TRIM50: variants seen among roughly 807,000 people sequenced by gnomAD.
TRIM50 encodes the protein tripartite motif containing 50, also known as E3 ubiquitin-protein ligase TRIM50.
Under a neutral mutation model 44.9 loss-of-function variants are expected in TRIM50, and 34 were observed. That is an observed-to-expected ratio of 0.76 (90% CI 0.58 to 1.01). The LOEUF (loss-of-function observed/expected upper bound fraction) is 1.01. TRIM50 is among the 50% of genes least tolerant of loss of function. The pLI is 0.00. For missense variants in TRIM50, 633 were observed against 663.7 expected (o/e 0.95, Z 0.51); for synonymous variants, 307 against 291.1 (o/e 1.05, Z -0.56).
chr7:73,318,978 C>T lies in TRIM50; in HGVS notation c.570G>A (p.Lys190=). The change falls in exon 4 of 7, where the codon AAG becomes AAA. Residue 190 remains lysine (K), a synonymous_variant. Coordinates refer to ENST00000333149, the MANE Select transcript of TRIM50 (RefSeq NM_178125.3). ...QELHHLVDEE[K]ARCLEGIGGH... Reference sequence around the variant, plus strand: ...CCCCTATCCCCTCCAGGCAGCGGGCCTTCTCCTCATCCACCAGGTGGTGCA... The same window carrying T: ...CCCCTATCCCCTCCAGGCAGCGGGCTTTCTCCTCATCCACCAGGTGGTGCA... The T allele has an allele frequency of 1.2e-6, 2 of 1,614,038 alleles. No homozygotes were observed. The highest frequency in any genetic ancestry group is 1.7e-6 in the Non-Finnish European group (2 of 1,179,866).
rs528284379 is a variant in TRIM50 at position 73,324,891 on chromosome 7, C to T, written c.-18-86G>A. ...CCACCACCCTCAACCCTAAGGAGCA[C>T]CAGAATTTTAGAGGAAACACTTTGA... On this transcript the variant is annotated intron_variant, in intron 1 of 6. Transcript: ENST00000333149. 1.0e-5 allele frequency: 16 copies of T among 1,562,178 alleles called. No individual in the cohort carries two copies. In the African/African-American group the frequency reaches 1.9e-4, roughly 19 times the overall value.
Position 73,313,199 on chromosome 7 carries a change from C to T in TRIM50, c.1186G>A (p.Glu396Lys), listed in dbSNP as rs370311701. The T allele has an allele frequency of 1.3e-5, 20 of 1,590,306 alleles. No homozygotes were observed. The South Asian group carries it at 1.5e-4, about 12-fold the overall frequency. ...GGTACCCGGGGGCAGGCAAAGGCTTCGTACACCCGGCCCTCCTTCAGGCCG... is the reference window on the plus strand; with the variant it reads ...GGTACCCGGGGGCAGGCAAAGGCTTTGTACACCCGGCCCTCCTTCAGGCCG... ...LIGLKEGRVY[E>K]AFACPRVPLP... The change falls in exon 7 of 7, where the codon GAA becomes AAA. Residue 396 changes from glutamate (E) to lysine (K), a missense_variant. By Grantham distance (56) the Glu-to-Lys change is moderately conservative. Transcript: ENST00000333149. The surrounding 1 kb of genome is among the most constrained non-coding windows in gnomAD (Gnocchi z 4.9).
In TRIM50 at chr7:73,323,002, G is replaced by A. The variant is rs536020833; in HGVS notation, c.399+1387C>T. Among the ~76,000 whole-genome samples the A allele has an allele frequency of 3.9e-5, 6 of 152,272 alleles. No homozygotes were observed. The South Asian group carries it at 8.3e-4, about 21-fold the overall frequency. On this transcript the variant is annotated intron_variant, in intron 2 of 6. Transcript: ENST00000333149. The stretch of plus-strand genomic sequence containing the variant: ...TCACAGAGCTGGAGTCAACCTTCCC[G>A]TCCCTCACCCTCCTTGCCACACACA...
chr7:73,321,769 C>T (rs1804502512), intron 2 of TRIM50: 1 of 152,218 alleles, frequency 6.6e-6, no homozygotes, highest in African/African-American at 2.4e-5. Flanking sequence ...AAGAATCAAG[C>T]ACTTGCTGGC....
intron 6 of TRIM50, chr7:73,314,711 G>A (rs1397137771): frequency 4.6e-5 from 10 of 218,062 alleles, no homozygotes; most frequent in South Asian, 3.0e-4. Flanking sequence ...TTAGCCGGGC[G>A]TGGTGGCACA....
intron 3 of TRIM50, among the ~76,000 whole-genome samples, chr7:73,319,635 A>C (rs1156350353): frequency 1.3e-5 from 2 of 152,108 alleles, no homozygotes; most frequent in African/African-American, 4.8e-5. Context: ...GAGGAGGGTA[A>C]ATGAGGGAGG....
chr7:73,315,278 A>C (rs1804329327), intron 6 of TRIM50: 1 of 153,690 alleles, frequency 6.5e-6, no homozygotes, highest in African/African-American at 2.4e-5. Context: ...AAAAAAAAAA[A>C]AGAAATGTGA....
At chr7:73,324,196 C>T (rs190591852) in intron 2 of TRIM50, among the ~76,000 whole-genome samples, 193 bp downstream of exon 2, 65 of 152,288 alleles carry the variant, frequency 4.3e-4, no homozygotes, top group Admixed American at 4.1e-3. Flanking sequence ...AGCTCCCATC[C>T]TGTTCGTGTG....
intron 2 of TRIM50, 39 bp downstream of exon 2, chr7:73,324,350 G>A (rs782576676): frequency 6.8e-6 from 11 of 1,613,606 alleles, no homozygotes; most frequent in African/African-American, 5.3e-5. Flanking sequence ...TCTGGTCCCC[G>A]CGGGCCTCTC....
intron 4 of TRIM50, 36 bp from the exon 5 acceptor site, chr7:73,318,745 G>A (rs1305950884): frequency 9.9e-6 from 16 of 1,613,898 alleles, no homozygotes; most frequent in African/African-American, 1.3e-5. Context: ...AAGGCTAGAA[G>A]GTGGGAAGCT....
At chr7:73,323,670 G>A (rs1583784405) in intron 2 of TRIM50, among the ~76,000 whole-genome samples, 1 of 152,184 alleles carries the variant, frequency 6.6e-6, no homozygotes, top group Non-Finnish European at 1.5e-5. Context: ...ATGGCTCCAG[G>A]CACTGAAATA....
intron 1 of TRIM50, 121 bp from the exon 2 acceptor site, chr7:73,324,926 C>G: frequency 6.7e-7 from 1 of 1,495,594 alleles, no homozygotes; most frequent in Non-Finnish European, 9.0e-7. Context: ...AGTCCTGGAT[C>G]CCAGTCCTAA....
rs1370615350 is a variant in TRIM50, at chr7:73,312,872, C to T, written c.*49G>A. 98 of 1,426,888 alleles carry T rather than the reference C, an allele frequency of 6.9e-5. No individual in the cohort carries two copies. Among genetic ancestry groups the T allele is most frequent in the Non-Finnish European group, 8.7e-5 (94 of 1,079,484 alleles). 88.4% of individuals were successfully genotyped at this position (1,426,888 alleles called of 1,614,324 possible). On this transcript the variant is annotated 3_prime_UTR_variant, in exon 7 of 7. Coordinates refer to ENST00000333149, the MANE Select transcript of TRIM50 (RefSeq NM_178125.3). Reference sequence around the variant, plus strand: ...GACCCAGCAGAAGCCCGCGAGTCCCCGGTGCCCCGCCGGGATGGGCCTGTG... The same window carrying T: ...GACCCAGCAGAAGCCCGCGAGTCCCTGGTGCCCCGCCGGGATGGGCCTGTG...
Position 73,312,603 on chromosome 7 carries a change from GA to G in TRIM50, c.*317del. The G allele has an allele frequency of 3.0e-6, 1 of 337,370 alleles. No homozygotes were observed. 20.9% of individuals were successfully genotyped at this position (337,370 alleles called of 1,614,324 possible). ...GTAGTTGAAAGTTCACAGTAATATG[GA>G]AAAGGTATACATGGGACTATTTCTG... On this transcript the variant is annotated 3_prime_UTR_variant, in exon 7 of 7. Coordinates refer to ENST00000333149, the MANE Select transcript of TRIM50 (RefSeq NM_178125.3).
At chr7:73,324,251 A>G in intron 2 of TRIM50, 138 bp downstream of exon 2, 5 of 1,484,512 alleles carry the variant, frequency 3.4e-6, no homozygotes, top group Non-Finnish European at 4.5e-6. Context: ...TCAAACGCTA[A>G]GGAATGAATG....
intron 2 of TRIM50, among the ~76,000 whole-genome samples, chr7:73,323,054 ATT>A (rs1269955334): frequency 6.6e-6 from 1 of 152,112 alleles, no homozygotes; most frequent in Non-Finnish European, 1.5e-5. Context: ...TCTGTTTGAA[ATT>A]TGTCTTTGGT....
At chr7:73,314,548 G>T in intron 6 of TRIM50, 1 of 330,496 alleles carries the variant, frequency 3.0e-6, no homozygotes, top group South Asian at 2.5e-5. Flanking sequence ...CCTTGATGGA[G>T]AACAAGAACG....
chr7:73,315,180 G>T (rs1804327157), intron 6 of TRIM50: 1 of 231,644 alleles, frequency 4.3e-6, no homozygotes, highest in African/African-American at 2.3e-5. Flanking sequence ...AGCTCAAAAA[G>T]GCAAAGACTA....
At position 73,313,101 on chromosome 7, in the gene TRIM50, G is replaced by A. The variant is rs375802632; in HGVS notation, c.1284C>T (p.Phe428=). 7 of 1,593,940 alleles carry A rather than the reference G, an allele frequency of 4.4e-6. No individual in the cohort carries two copies. The highest frequency in any genetic ancestry group is 2.3e-5 in the South Asian group (2 of 87,738). ...LHYEQGELTF[F]DADRPDDLRP... Reference sequence around the variant, plus strand: ...GCAGGTCATCGGGGCGGTCGGCATCGAAGAAGGTGAGTTCGCCCTGCTCAT... The same window carrying A: ...GCAGGTCATCGGGGCGGTCGGCATCAAAGAAGGTGAGTTCGCCCTGCTCAT... The change falls in exon 7 of 7, where the codon TTC becomes TTT. Residue 428 remains phenylalanine, a synonymous_variant. Coordinates refer to ENST00000333149, the MANE Select transcript of TRIM50 (RefSeq NM_178125.3). The surrounding 1 kb of genome is among the most constrained non-coding windows in gnomAD (Gnocchi z 4.9).
Sources: gnomAD v4.1 joint callset for allele counts (sites outside exome capture counted in the v4.1 genomes callset) on GRCh38, gnomAD v4.1.1 for gene constraint, Gnocchi (gnomAD v3.1) non-coding constraint, MANE v1.5 for transcripts, NCBI Gene and HGNC (gene_info 2026-07-23, HGNC 2026-07-21) for gene names.